Variants in KCTD16 observed in about 807,000 individuals in gnomAD.
The protein encoded by KCTD16 is potassium channel tetramerization domain containing 16.
Under a neutral mutation model 33.2 loss-of-function variants are expected in KCTD16, and 13 were observed. That is an observed-to-expected ratio of 0.39 (90% confidence interval 0.25 to 0.62). KCTD16 has a LOEUF of 0.62. Ranked by LOEUF, KCTD16 falls within the 20% of genes least tolerant of loss-of-function variation. The pLI, the probability that KCTD16 is intolerant of heterozygous loss-of-function variation, is 0.50. For synonymous variants in KCTD16, 197 were observed against 195.3 expected (o/e 1.01, Z -0.07); for missense variants, 441 against 525.1 (o/e 0.84, Z 1.57).
Position 144,477,139 on chromosome 5 carries a change from T to C in KCTD16, c.*3025T>C, listed in dbSNP as rs1754612255. ...AAGTCCTTCTACCCACTATCAAAAA[T>C]GAACTGATCTGCATTCAGCAGGAAA... On this transcript the variant is annotated 3_prime_UTR_variant, in exon 4 of 4. Coordinates refer to ENST00000512467, the MANE Select transcript of KCTD16 (RefSeq NM_020768.4). 1 of 151,986 alleles carries C rather than the reference T, an allele frequency of 6.6e-6. No individual in the cohort carries two copies. Among genetic ancestry groups the C allele is most frequent in the Non-Finnish European group, 1.5e-5 (1 of 67,982 alleles). 9.4% of individuals were successfully genotyped at this position (151,986 alleles called of 1,614,324 possible). A position where few individuals can be genotyped will look rare whatever the true frequency, so the allele number is the denominator to read the frequency against.
chr5:144,350,537 G>C (rs1751393568), intron 3 of KCTD16, among the ~76,000 whole-genome samples: 1 of 152,006 alleles, frequency 6.6e-6, no homozygotes, highest in Admixed American at 6.6e-5. Flanking sequence ...ATCCCATATT[G>C]CCTCTCTTGG....
intron 3 of KCTD16, among the ~76,000 whole-genome samples, chr5:144,211,383 T>A (rs1416847296): frequency 1.3e-5 from 2 of 152,150 alleles, no homozygotes; most frequent in Non-Finnish European, 1.5e-5. Context: ...TGAGCATCCC[T>A]ACTTCAAAAA....
chr5:144,340,876 C>T (rs144545248), intron 3 of KCTD16, among the ~76,000 whole-genome samples: 1 of 151,882 alleles, frequency 6.6e-6, no homozygotes, highest in Non-Finnish European at 1.5e-5. Context: ...ATGGTGAAAC[C>T]CCGTCTCTAC....
chr5:144,446,489 G>C (rs1435236308), intron 3 of KCTD16, among the ~76,000 whole-genome samples: 1 of 152,040 alleles, frequency 6.6e-6, no homozygotes, highest in Non-Finnish European at 1.5e-5. Flanking sequence ...TCAGGACATA[G>C]GCATGAACAA....
chr5:144,348,179 C>T (rs926714976), intron 3 of KCTD16, among the ~76,000 whole-genome samples: 1 of 152,260 alleles, frequency 6.6e-6, no homozygotes, highest in Admixed American at 6.5e-5. Context: ...CTCACCAGTT[C>T]GCAGACTCTT....
chr5:144,214,956 A>T (rs570450781), intron 3 of KCTD16, among the ~76,000 whole-genome samples: 34 of 152,324 alleles, frequency 2.2e-4, no homozygotes, highest in African/African-American at 7.7e-4. Flanking sequence ...ATGCATTTTT[A>T]AAAGTTCTTA....
At chr5:144,257,279 A>G (rs1195427988) in intron 3 of KCTD16, among the ~76,000 whole-genome samples, 2 of 152,216 alleles carry the variant, frequency 1.3e-5, no homozygotes, top group Non-Finnish European at 2.9e-5. Flanking sequence ...TCAATTTCAC[A>G]TAAGTGTAAG....
intron 3 of KCTD16, among the ~76,000 whole-genome samples, chr5:144,248,226 G>A (rs570280523): frequency 1.3e-5 from 2 of 152,294 alleles, no homozygotes; most frequent in Admixed American, 6.5e-5. Flanking sequence ...AGAGTTACAA[G>A]GATGATGTCA....
chr5:144,344,728 G>C (rs1403262198), intron 3 of KCTD16, among the ~76,000 whole-genome samples: 3 of 150,546 alleles, frequency 2.0e-5, no homozygotes, highest in Non-Finnish European at 4.5e-5. Context: ...AGGATGTGGA[G>C]AAATAGGAAC....
intron 3 of KCTD16, among the ~76,000 whole-genome samples, chr5:144,255,771 C>CA (rs1395710070): frequency 6.6e-6 from 1 of 152,126 alleles, no homozygotes; most frequent in East Asian, 1.9e-4. Context: ...TTGCTCCAGA[C>CA]AATCCAAGGT....
At chr5:144,173,306 G>T (rs1489999092) in intron 1 of KCTD16, among the ~76,000 whole-genome samples, 1 of 152,170 alleles carries the variant, frequency 6.6e-6, no homozygotes, top group African/African-American at 2.4e-5. Flanking sequence ...GCCATAAAAA[G>T]TAGAATGAGG....
chr5:144,217,715 C>T (rs1753608339), intron 3 of KCTD16, among the ~76,000 whole-genome samples: 2 of 152,080 alleles, frequency 1.3e-5, no homozygotes, highest in South Asian at 4.1e-4. Flanking sequence ...TTCACCAGCT[C>T]TTCACGTTAA....
At chr5:144,419,461 C>T (rs1279632676) in intron 3 of KCTD16, among the ~76,000 whole-genome samples, 1 of 152,146 alleles carries the variant, frequency 6.6e-6, no homozygotes, top group Non-Finnish European at 1.5e-5. Flanking sequence ...ATACTCTTGT[C>T]AACTCAATCA....
intron 3 of KCTD16, among the ~76,000 whole-genome samples, chr5:144,227,338 GT>G (rs2126809478): frequency 6.6e-6 from 1 of 152,282 alleles, no homozygotes. Flanking sequence ...ACATATCAAG[GT>G]CCTGAGGTTG....
At chr5:144,473,563 T>G in intron 3 of KCTD16, 97 bp from the exon 4 acceptor site, 1 of 1,202,888 alleles carries the variant, frequency 8.3e-7, no homozygotes, top group Non-Finnish European at 1.2e-6. Flanking sequence ...CTGCGATGCT[T>G]CTCTTATGTG....
chr5:144,209,509 A>T (rs181555011), intron 3 of KCTD16, among the ~76,000 whole-genome samples: 1 of 152,128 alleles, frequency 6.6e-6, no homozygotes, highest in Admixed American at 6.6e-5. Flanking sequence ...TCCCCTTTGT[A>T]CCCACCATCT....
chr5:144,225,475 C>T (rs1753901533), intron 3 of KCTD16, among the ~76,000 whole-genome samples: 1 of 151,556 alleles, frequency 6.6e-6, no homozygotes, highest in South Asian at 2.1e-4. Context: ...AAAAAGATGT[C>T]AAAAGAATTC....
Position 144,480,738 on chromosome 5 carries a change from A to G in KCTD16, c.*6624A>G, listed in dbSNP as rs1409156768. 1 of 151,888 alleles carries G rather than the reference A, an allele frequency of 6.6e-6. No homozygotes were observed. The highest frequency in any genetic ancestry group is 1.9e-4 in the East Asian group (1 of 5,148). The allele number at this position is 151,888 out of a possible 1,614,324, so 9.4% of individuals were successfully genotyped here. The stretch of plus-strand genomic sequence containing the variant: ...ATGGGTATAGGCCAGAGATGCTGCT[A>G]AAGATCCTACAGTGTACTGGAAAGC... On this transcript the variant is annotated 3_prime_UTR_variant, in exon 4 of 4. Transcript: ENST00000512467.
intron 3 of KCTD16, among the ~76,000 whole-genome samples, chr5:144,291,999 C>T (rs904401420): frequency 6.6e-6 from 1 of 152,274 alleles, no homozygotes; most frequent in Admixed American, 6.5e-5. Context: ...AATGAAGGAA[C>T]TCATATTTCT....
Sources: gnomAD v4.1 joint callset for allele counts (sites outside exome capture counted in the v4.1 genomes callset) on GRCh38, gnomAD v4.1.1 for gene constraint, MANE v1.5 for transcripts, NCBI Gene and HGNC (gene_info 2026-07-23, HGNC 2026-07-21) for gene names.